Variants in SUMF1 observed in about 807,000 individuals in gnomAD.
SUMF1 encodes formylglycine-generating enzyme.
Under a neutral mutation model 47.6 loss-of-function variants are expected in SUMF1, and 48 were observed. The ratio of observed to expected loss-of-function variants is 1.01; its 90% confidence interval spans 0.80 to 1.28. The LOEUF is 1.28. Ranked by LOEUF, SUMF1 falls within the 50% of genes most tolerant of loss-of-function variation. The probability of loss-of-function intolerance (pLI) is 0.00; values close to 1 mark genes in which losing one functional copy is unlikely to be tolerated. For missense variants in SUMF1, 571 were observed against 485.4 expected (o/e 1.18, Z -1.66); for synonymous variants, 230 against 192.1 (o/e 1.20, Z -1.63).
At chr3:4,038,572 T>C (rs1328552961) in intron 9 of SUMF1, among the ~76,000 whole-genome samples, 4 of 152,236 alleles carry the variant, frequency 2.6e-5, no homozygotes, top group South Asian at 2.1e-4. Context: ...AGCTGCACTG[T>C]TGGTGTGAGC....
chr3:4,175,710 C>A (rs376991260), intron 8 of SUMF1, among the ~76,000 whole-genome samples: 1 of 152,140 alleles, frequency 6.6e-6, no homozygotes, highest in East Asian at 1.9e-4. Context: ...CAGAAGTAGG[C>A]TTCAGAAGGT....
At chr3:4,109,942 G>A (rs112470631) in intron 8 of SUMF1, among the ~76,000 whole-genome samples, 5,913 of 152,078 alleles carry the variant, frequency 0.039, 286 homozygotes, top group African/African-American at 0.11. Context: ...GTCATTCTCC[G>A]TCCAGCTTTG....
rs1696747691 is a variant in SUMF1 at position 4,249,584 on chromosome 3, C to A, written c.1014+126746G>T. On this transcript the variant is annotated intron_variant and NMD_transcript_variant, in intron 8 of 12. Coordinates refer to the SUMF1 transcript ENST00000448413. ...GTTTGTGTTCTGACTGCTCTACCAA[C>A]TGGTCATTCCCTTCTTTACCCTCTC... 2.6e-5 allele frequency among the ~76,000 whole-genome samples: 4 copies of A among 152,158 alleles called. No individual in the cohort carries two copies. In the South Asian group the frequency reaches 8.3e-4, roughly 32 times the overall value.
intron 8 of SUMF1, among the ~76,000 whole-genome samples, chr3:4,082,807 G>GA (rs1692595654): frequency 6.6e-6 from 1 of 152,046 alleles, no homozygotes; most frequent in African/African-American, 2.4e-5. Flanking sequence ...ATTTCACTAG[G>GA]AAAAAATGAA....
chr3:4,461,200 A>G (rs1163090670), intron 1 of SUMF1, among the ~76,000 whole-genome samples: 1 of 152,228 alleles, frequency 6.6e-6, no homozygotes, highest in African/African-American at 2.4e-5. Context: ...TGTCAACATC[A>G]CAGTGAAACC....
intron 8 of SUMF1, among the ~76,000 whole-genome samples, chr3:4,109,816 C>T (rs888007491): frequency 2.2e-4 from 33 of 152,146 alleles, no homozygotes; most frequent in African/African-American, 6.5e-4. Context: ...TATTCTAGTT[C>T]GCCATTCATC....
At chr3:4,065,904 T>C (rs1695364281) in intron 9 of SUMF1, among the ~76,000 whole-genome samples, 1 of 152,082 alleles carries the variant, frequency 6.6e-6, no homozygotes, top group Non-Finnish European at 1.5e-5. Flanking sequence ...AACCAACCCT[T>C]GTGATATGAC....
At chr3:4,317,411 G>T (rs972073429) in intron 8 of SUMF1, 3 of 603,990 alleles carry the variant, frequency 5.0e-6, no homozygotes, top group Non-Finnish European at 8.5e-6. Flanking sequence ...GGCCTGGCAT[G>T]GTGGCTTACA....
chr3:4,410,764 G>T (rs769686531), intron 7 of SUMF1, 101 bp downstream of exon 7: 3 of 1,010,090 alleles, frequency 3.0e-6, no homozygotes, highest in Non-Finnish European at 4.7e-6. Flanking sequence ...AATTTCCAGA[G>T]TATGTAAATA....
chr3:4,083,508 G>A (rs1456610252), intron 8 of SUMF1, among the ~76,000 whole-genome samples: 2 of 152,104 alleles, frequency 1.3e-5, no homozygotes, highest in Admixed American at 1.3e-4. Flanking sequence ...ACACCCAGAA[G>A]AAGCAAAGAA....
At position 4,400,362 on chromosome 3, in the gene SUMF1, T is replaced by C. The variant is rs569133255; in HGVS notation, c.954+10503A>G. On this transcript the variant is annotated intron_variant, in intron 7 of 8. Transcript: ENST00000272902. ...GGCTTTGGTTCTGGCTTCCTAAGCA[T>C]CAGTGGAGCAAAAGTGCCTATTACC... is the stretch of plus-strand genomic sequence containing the variant. Among the ~76,000 whole-genome samples, 11 of 152,294 alleles carry C rather than the reference T, an allele frequency of 7.2e-5. 2 individuals are homozygous for C. The highest frequency in any genetic ancestry group is 2.6e-4 in the African/African-American group (11 of 41,562).
intron 8 of SUMF1, among the ~76,000 whole-genome samples, chr3:4,199,899 T>C (rs1030087414): frequency 6.6e-6 from 1 of 152,170 alleles, no homozygotes. Flanking sequence ...AATTTTCAAG[T>C]ATTTGCATCC....
chr3:4,446,056 T>A (rs1287737702), intron 3 of SUMF1, among the ~76,000 whole-genome samples: 1 of 152,246 alleles, frequency 6.6e-6, no homozygotes, highest in Non-Finnish European at 1.5e-5. Context: ...ATCTGTCCTG[T>A]ATGACCTGCA....
intron 9 of SUMF1, among the ~76,000 whole-genome samples, chr3:4,043,210 T>C (rs1382704323): frequency 4.6e-5 from 7 of 152,104 alleles, no homozygotes. Flanking sequence ...GCTCACCCCA[T>C]GCTCTTCAGG....
chr3:4,463,558 A>C (rs2079866793), intron 1 of SUMF1, among the ~76,000 whole-genome samples: 1 of 152,286 alleles, frequency 6.6e-6, no homozygotes, highest in African/African-American at 2.4e-5. Context: ...GTTGTCATCA[A>C]ACAACAACAA....
intron 8 of SUMF1, among the ~76,000 whole-genome samples, chr3:4,342,559 T>TA (rs1269881313): frequency 6.6e-6 from 1 of 152,182 alleles, no homozygotes; most frequent in Non-Finnish European, 1.5e-5. Flanking sequence ...CAATAATAAT[T>TA]ATAAAACAAA....
intron 8 of SUMF1, among the ~76,000 whole-genome samples, chr3:4,222,467 A>C (rs927640699): frequency 6.6e-6 from 1 of 151,990 alleles, no homozygotes; most frequent in Non-Finnish European, 1.5e-5. Context: ...ATGGTCAATA[A>C]ATACGGGTGT....
At chr3:4,183,469 G>A (rs1040577411) in intron 8 of SUMF1, among the ~76,000 whole-genome samples, 4 of 152,070 alleles carry the variant, frequency 2.6e-5, no homozygotes, top group African/African-American at 7.2e-5. Flanking sequence ...TAAACAAATA[G>A]GAGACTAATA....
intron 8 of SUMF1, among the ~76,000 whole-genome samples, chr3:4,227,767 G>A (rs181731995): frequency 2.0e-5 from 3 of 152,276 alleles, no homozygotes; most frequent in Admixed American, 6.5e-5. Context: ...CTAAAATGCA[G>A]GAGGCATTGC....
Sources: allele counts gnomAD v4.1 joint callset (sites outside exome capture counted in the v4.1 genomes callset), GRCh38; gene constraint gnomAD v4.1.1; transcripts MANE v1.5; gene names NCBI Gene and HGNC (gene_info 2026-07-23, HGNC 2026-07-21).